RBFOX1: variants seen among roughly 807,000 people sequenced by gnomAD.
The protein encoded by RBFOX1 is RNA binding protein fox-1 homolog 1.
RBFOX1 carries 8 observed loss-of-function variants against 57.7 expected under a neutral mutation model. The ratio of observed to expected loss-of-function variants is 0.14; its 90% confidence interval spans 0.08 to 0.25. The LOEUF (loss-of-function observed/expected upper bound fraction) is 0.25, where lower values mean the gene tolerates loss of function less well. RBFOX1 is among the 10% of genes least tolerant of loss of function. The pLI is 1.00. For synonymous variants in RBFOX1, 326 were observed against 222.4 expected, an observed-to-expected ratio of 1.47 and a Z score of -4.15; for missense variants, 611 against 548.5, an observed-to-expected ratio of 1.11 and a Z score of -1.14.
At chr16:7,265,969 T>TG (rs980396078) in intron 4 of RBFOX1, among the ~76,000 whole-genome samples, 7 of 133,670 alleles carry the variant, frequency 5.2e-5, no homozygotes, top group African/African-American at 1.8e-4. Context: ...TTTTTGTTTT[T>TG]TTTTTTTTTT....
intron 4 of RBFOX1, among the ~76,000 whole-genome samples, chr16:5,903,330 A>T (rs1014134901): frequency 6.6e-6 from 1 of 152,096 alleles, no homozygotes; most frequent in African/African-American, 2.4e-5. Flanking sequence ...TCCAGTATCA[A>T]CCTGTCCTCT....
At chr16:7,652,518 C>T (rs2065287409) in intron 11 of RBFOX1, among the ~76,000 whole-genome samples, 1 of 152,242 alleles carries the variant, frequency 6.6e-6, no homozygotes, top group African/African-American at 2.4e-5. Context: ...AGCAATTCTC[C>T]TGCCTCAGCC....
At chr16:6,558,488 A>G (rs1177624528) in intron 2 of RBFOX1, among the ~76,000 whole-genome samples, 1 of 152,162 alleles carries the variant, frequency 6.6e-6, no homozygotes, top group Non-Finnish European at 1.5e-5. Flanking sequence ...GACTTGAGTC[A>G]TCTGTCACGT....
At chr16:7,593,506 C>T (rs2094545206) in intron 7 of RBFOX1, among the ~76,000 whole-genome samples, 1 of 152,122 alleles carries the variant, frequency 6.6e-6, no homozygotes, top group Non-Finnish European at 1.5e-5. Flanking sequence ...TTAAATGAAT[C>T]AGATAATTCA....
At chr16:6,495,223 AT>A (rs1398930340) in intron 2 of RBFOX1, among the ~76,000 whole-genome samples, 8 of 152,082 alleles carry the variant, frequency 5.3e-5, no homozygotes, top group African/African-American at 1.9e-4. Context: ...GATTCAAGCG[AT>A]TCTTTTGCCG....
At chr16:5,367,169 T>A (rs2065740525) in intron 1 of RBFOX1, among the ~76,000 whole-genome samples, 1 of 152,222 alleles carries the variant, frequency 6.6e-6, no homozygotes, top group Non-Finnish European at 1.5e-5. Context: ...TTGATCTGGT[T>A]TTTATACAGA....
intron 2 of RBFOX1, among the ~76,000 whole-genome samples, chr16:6,631,913 A>C (rs1295347847): frequency 6.6e-6 from 1 of 152,214 alleles, no homozygotes; most frequent in East Asian, 1.9e-4. Context: ...AGTGAGCAGG[A>C]AAAGGTAGGA....
At chr16:6,207,874 A>G (rs545554123) in intron 1 of RBFOX1, among the ~76,000 whole-genome samples, 24 of 152,084 alleles carry the variant, frequency 1.6e-4, no homozygotes, top group Non-Finnish European at 2.5e-4. Flanking sequence ...AATTTTTTTC[A>G]GAGACAGCCT....
At chr16:6,329,825 C>T (rs987736864) in intron 2 of RBFOX1, among the ~76,000 whole-genome samples, 2 of 152,128 alleles carry the variant, frequency 1.3e-5, no homozygotes, top group Non-Finnish European at 2.9e-5. Flanking sequence ...GTAATTCCAG[C>T]TACTTGGGAG....
chr16:7,482,282 C>G (rs530832467), intron 4 of RBFOX1, among the ~76,000 whole-genome samples: 1 of 152,212 alleles, frequency 6.6e-6, no homozygotes, highest in Admixed American at 6.5e-5. Context: ...TTAATTCTAT[C>G]TTCGCAGTAA....
At chr16:6,206,415 CT>C (rs1404476792) in intron 1 of RBFOX1, among the ~76,000 whole-genome samples, 1 of 152,104 alleles carries the variant, frequency 6.6e-6, no homozygotes, top group Non-Finnish European at 1.5e-5. Flanking sequence ...AGTGTGATTG[CT>C]TCCTTCTCAA....
At chr16:7,086,906 C>G (rs1265376917) in intron 4 of RBFOX1, among the ~76,000 whole-genome samples, 2 of 152,180 alleles carry the variant, frequency 1.3e-5, no homozygotes, top group African/African-American at 4.8e-5. Context: ...ACACAGGCTT[C>G]TGACGGCCCA....
At chr16:6,069,475 G>A (rs559058610) in intron 1 of RBFOX1, among the ~76,000 whole-genome samples, 14 of 151,430 alleles carry the variant, frequency 9.2e-5, no homozygotes, top group African/African-American at 3.4e-4. Context: ...GAAGAAAGCT[G>A]AGTCCTGCCT....
chr16:7,251,333 C>T (rs770609293), intron 4 of RBFOX1, among the ~76,000 whole-genome samples: 6 of 151,586 alleles, frequency 4.0e-5, no homozygotes, highest in Non-Finnish European at 8.8e-5. Flanking sequence ...CACAGTGTTG[C>T]AGTTGACAAG....
chr16:6,960,908 C>T (rs921073028), intron 3 of RBFOX1, among the ~76,000 whole-genome samples: 19 of 145,900 alleles, frequency 1.3e-4, no homozygotes, highest in East Asian at 4.1e-4. Flanking sequence ...CCAAGGTGGG[C>T]GGATCACTTG....
Position 6,173,702 on chromosome 16 carries a change from C to T in RBFOX1, c.-126-143293C>T, listed in dbSNP as rs555925430. The stretch of plus-strand genomic sequence containing the variant: ...TCAGCTCACTGCAACCTCTGCCTCT[C>T]GGGTTCAAGTGATTCTCCCGCCTGA... On this transcript the variant is annotated intron_variant, in intron 1 of 15. Transcript: ENST00000550418. Among the ~76,000 whole-genome samples, 14 of 147,882 alleles carry T rather than the reference C, an allele frequency of 9.5e-5. 1 individual carries two copies. In the East Asian group the frequency reaches 1.6e-3, roughly 17 times the overall value.
At chr16:5,577,353 A>T (rs2046495270) in intron 2 of RBFOX1, among the ~76,000 whole-genome samples, 1 of 151,994 alleles carries the variant, frequency 6.6e-6, no homozygotes, top group Admixed American at 6.6e-5. Flanking sequence ...GGAGGCATAG[A>T]CCTGTTGGCG....
intron 4 of RBFOX1, among the ~76,000 whole-genome samples, chr16:7,281,989 C>T (rs189931184): frequency 1.2e-3 from 180 of 152,246 alleles, no homozygotes; most frequent in African/African-American, 3.9e-3. Context: ...CCTCAGCGTC[C>T]GGAGTAGCTG....
intron 3 of RBFOX1, among the ~76,000 whole-genome samples, chr16:7,007,199 C>G (rs1264182293): frequency 6.6e-6 from 1 of 152,158 alleles, no homozygotes; most frequent in Non-Finnish European, 1.5e-5. Flanking sequence ...CTGAAGTCTC[C>G]ATTTCTTTAC....
Sources: gnomAD v4.1 joint callset for allele counts (sites outside exome capture counted in the v4.1 genomes callset) on GRCh38, gnomAD v4.1.1 for gene constraint, MANE v1.5 for transcripts, NCBI Gene and HGNC (gene_info 2026-07-23, HGNC 2026-07-21) for gene names.